Variants in PFKFB3 observed in about 807,000 individuals in gnomAD.
PFKFB3 encodes 6-phosphofructo-2-kinase/fructose-2,6-biphosphatase 3.
In PFKFB3, 33 loss-of-function variants were observed where a neutral mutation model predicts 68.0. The ratio of observed to expected loss-of-function variants is 0.49; its 90% CI spans 0.37 to 0.65. PFKFB3 has a LOEUF of 0.65. Ranked by LOEUF, PFKFB3 falls within the 30% of genes least tolerant of loss-of-function variation. PFKFB3 has a pLI of 0.00. For missense variants in PFKFB3, 586 were observed against 712.2 expected, an observed-to-expected ratio of 0.82 and a Z score of 2.02; for synonymous variants, 315 against 288.2, an observed-to-expected ratio of 1.09 and a Z score of -0.94.
intron 1 of PFKFB3, among the ~76,000 whole-genome samples, chr10:6,192,366 C>CTTTTTTTTTTTTTTT (rs149846128): frequency 8.8e-6 from 1 of 113,070 alleles, no homozygotes. Flanking sequence ...TTTCTTTCTT[C>CTTTTTTTTTTTTTTT]TTTTTTTTTT....
rs1029462321 is a variant in PFKFB3 at position 6,154,686 on chromosome 10, T to C, written c.16+9673T>C. Among the ~76,000 whole-genome samples the C allele has an allele frequency of 1.3e-5, 2 of 151,870 alleles. No individual in the cohort carries two copies. Among genetic ancestry groups the C allele is most frequent in the African/African-American group, 2.4e-5 (1 of 41,342 alleles). On this transcript the variant is annotated intron_variant, in intron 1 of 14. Transcript: ENST00000379789. The surrounding 1 kb of genome is among the most constrained non-coding windows in gnomAD (Gnocchi z 4.6). ...CTGCAGGTGGCTGCGATCAGGGTGG[T>C]GTTGGGGGTGGCTGGATTCTGAATA... is the stretch of plus-strand genomic sequence containing the variant.
chr10:6,278,616 T>A, the PFKFB3 span, among the ~76,000 whole-genome samples: 39 of 152,268 alleles, frequency 2.6e-4, no homozygotes, highest in African/African-American at 9.1e-4. Context: ...TGAAGACCAT[T>A]TGGGTTGTTT....
the PFKFB3 span, among the ~76,000 whole-genome samples, chr10:6,322,025 T>C: frequency 1.3e-5 from 2 of 152,230 alleles, no homozygotes; most frequent in African/African-American, 2.4e-5. Flanking sequence ...GACTTCTAAA[T>C]GTCTCTCTTT....
At chr10:6,155,980 C>A (rs77974910) in intron 1 of PFKFB3, among the ~76,000 whole-genome samples, 2,597 of 152,208 alleles carry the variant, frequency 0.017, 73 homozygotes, top group African/African-American at 0.056. Flanking sequence ...AGCGAACATC[C>A]TACCCAATAG....
chr10:6,185,910 G>C (rs1025717373), intron 1 of PFKFB3, among the ~76,000 whole-genome samples: 4 of 152,074 alleles, frequency 2.6e-5, no homozygotes, highest in Admixed American at 2.6e-4. Flanking sequence ...AAAGTGCTGG[G>C]ATTACAGGCA....
At chr10:6,248,603 T>C (rs1032318061) in intron 14 of PFKFB3, among the ~76,000 whole-genome samples, 3 of 108,294 alleles carry the variant, frequency 2.8e-5, no homozygotes, top group African/African-American at 3.7e-5. Flanking sequence ...GATTCCAGCC[T>C]GGGCAACAGA....
chr10:6,272,885 C>T, the PFKFB3 span, among the ~76,000 whole-genome samples: 1 of 151,880 alleles, frequency 6.6e-6, no homozygotes, highest in Non-Finnish European at 1.5e-5. Context: ...GACAATAGGC[C>T]TGAGGGCTTG....
chr10:6,224,021 G>A lies in PFKFB3; in HGVS notation c.1276+1G>A. ...CTGAAACTGACGCCTGTCGCTTATG[G>A]TGAGTAGCAACCCCTGCCAAGCCCT... On this transcript the variant is annotated splice_donor_variant, in intron 12 of 14. Coordinates refer to ENST00000379775, the MANE Select transcript of PFKFB3 (RefSeq NM_004566.4). LOFTEE classifies it high-confidence loss of function. 1.9e-6 allele frequency: 3 copies of A among 1,614,204 alleles called. No individual in the cohort carries two copies. Among genetic ancestry groups the A allele is most frequent in the Non-Finnish European group, 2.5e-6 (3 of 1,180,006 alleles).
In PFKFB3 at chr10:6,229,085, A is replaced by G. The variant is rs1354581812; in HGVS notation, c.1515+2720A>G. The G allele has an allele frequency of 1.9e-6, 1 of 529,456 alleles. No individual in the cohort carries two copies. Among genetic ancestry groups the G allele is most frequent in the East Asian group, 5.5e-5 (1 of 18,230 alleles). The allele number at this position is 529,456 out of a possible 1,614,324, so 32.8% of individuals were successfully genotyped here. A position where few individuals can be genotyped will look rare whatever the true frequency, so the allele number is the denominator to read the frequency against. Reference sequence around the variant, plus strand: ...CCCTTTATTTCCTGTTTGCTCCTTAAGTTACCTTAACTACTTTATGCAGAA... The same window carrying G: ...CCCTTTATTTCCTGTTTGCTCCTTAGGTTACCTTAACTACTTTATGCAGAA... On this transcript the variant is annotated intron_variant, in intron 14 of 14. Transcript: ENST00000379775. This position sits in a 1 kb window ranked among gnomAD's most constrained non-coding sequence, Gnocchi z 4.3.
At chr10:6,166,821 CTTTTT>C (rs144747290) in intron 1 of PFKFB3, among the ~76,000 whole-genome samples, 17 of 95,272 alleles carry the variant, frequency 1.8e-4, no homozygotes, top group African/African-American at 6.3e-4. Flanking sequence ...CCTTCTTCTT[CTTTTT>C]TTTTTTTTTT....
chr10:6,225,942 TG>T (rs1313901350), intron 13 of PFKFB3, among the ~76,000 whole-genome samples: 2 of 152,162 alleles, frequency 1.3e-5, no homozygotes, highest in African/African-American at 4.8e-5. Context: ...GCACCGTGTT[TG>T]TCTGTGTGGG....
intron 1 of PFKFB3, among the ~76,000 whole-genome samples, chr10:6,169,629 G>C (rs77262228): frequency 6.6e-6 from 1 of 152,114 alleles, no homozygotes; most frequent in African/African-American, 2.4e-5. Context: ...GGAAGAGTGC[G>C]TCCAGTACTG....
the PFKFB3 span, among the ~76,000 whole-genome samples, chr10:6,263,962 A>G: frequency 6.6e-6 from 1 of 152,264 alleles, no homozygotes; most frequent in Non-Finnish European, 1.5e-5. Flanking sequence ...CTAGGATTAC[A>G]GGCGTGAGCC....
chr10:6,298,017 A>G, the PFKFB3 span, among the ~76,000 whole-genome samples: 4 of 152,214 alleles, frequency 2.6e-5, no homozygotes, highest in South Asian at 2.1e-4. Flanking sequence ...GGCTGGAACC[A>G]TAAGTCACTA....
the PFKFB3 span, among the ~76,000 whole-genome samples, chr10:6,295,464 A>G: frequency 6.6e-6 from 1 of 151,354 alleles, no homozygotes; most frequent in African/African-American, 2.4e-5. Flanking sequence ...ACCTCAGGTG[A>G]TCCACCCCAC....
At chr10:6,286,180 T>C in the PFKFB3 span, among the ~76,000 whole-genome samples, 1 of 152,056 alleles carries the variant, frequency 6.6e-6, no homozygotes, top group Non-Finnish European at 1.5e-5. Context: ...GGTTTCACTG[T>C]GTTATCCTTG....
chr10:6,258,630 TG>T (rs2132087911), downstream of PFKFB3, among the ~76,000 whole-genome samples: 1 of 152,358 alleles, frequency 6.6e-6, no homozygotes, highest in Admixed American at 6.5e-5. Context: ...TAGGAAAACC[TG>T]CTCTTAGCCT....
At chr10:6,211,616 C>T (rs576145672) in intron 1 of PFKFB3, among the ~76,000 whole-genome samples, 1 of 152,270 alleles carries the variant, frequency 6.6e-6, no homozygotes, top group Admixed American at 6.5e-5. Context: ...CCCCTGGGGA[C>T]ACAAGAAAGC....
the PFKFB3 span, among the ~76,000 whole-genome samples, chr10:6,307,066 A>G: frequency 6.6e-6 from 1 of 152,120 alleles, no homozygotes; most frequent in Non-Finnish European, 1.5e-5. Context: ...CCTCACTATA[A>G]TAGAACAAAA....
Sources: allele counts gnomAD v4.1 joint callset (sites outside exome capture counted in the v4.1 genomes callset), GRCh38; gene constraint gnomAD v4.1.1; non-coding constraint Gnocchi (gnomAD v3.1); transcripts MANE v1.5; gene names NCBI Gene and HGNC (gene_info 2026-07-23, HGNC 2026-07-21).